The following UNC13A variants were observed in gnomAD, a reference collection of about 807,000 sequenced individuals.
The protein encoded by UNC13A is protein unc-13 homolog A.
A neutral mutation model predicts 219.7 loss-of-function variants in UNC13A; 61 were observed. That is an observed-to-expected ratio of 0.28 (90% CI 0.23 to 0.34). The LOEUF (loss-of-function observed/expected upper bound fraction) is 0.34, where lower values mean the gene tolerates loss of function less well. Ranked by LOEUF, UNC13A falls within the 10% of genes least tolerant of loss-of-function variation. The pLI, the probability that UNC13A is intolerant of heterozygous loss-of-function variation, is 1.00. For synonymous variants in UNC13A, 920 were observed against 884.6 expected, an observed-to-expected ratio of 1.04 and a Z score of -0.71; for missense variants, 1,476 against 2,270.3, an observed-to-expected ratio of 0.65 and a Z score of 7.11.
chr19:17,659,640 G>A (rs1346004865), intron 8 of UNC13A, among the ~76,000 whole-genome samples: 1 of 151,824 alleles, frequency 6.6e-6, no homozygotes, highest in African/African-American at 2.4e-5. Context: ...GTGGTGGTGG[G>A]CGCCTGTAGT....
Position 17,627,582 on chromosome 19 carries a change from T to C in UNC13A, c.3847A>G (p.Ser1283Gly). The C allele has an allele frequency of 1.3e-6, 2 of 1,560,474 alleles. No individual in the cohort carries two copies. The highest frequency in any genetic ancestry group is 1.7e-6 in the Non-Finnish European group (2 of 1,151,248). ...MGGKELDAEA[S>G]DILKELQVKL... is the part of the protein sequence containing the mutation. ...ACCTGAAGCTCCTTCAGGATGTCAC[T>C]GGCTTCAGCATCCAGCTAAGGAGGG... The change falls in exon 33 of 44, where the codon AGT becomes GGT. Residue 1283 changes from serine (S) to glycine (G), a missense_variant. Ser to Gly is a moderately conservative substitution (Grantham distance 56, BLOSUM62 0). Transcript: ENST00000519716. The surrounding 1 kb of genome is among the most constrained non-coding windows in gnomAD (Gnocchi z 4.7).
chr19:17,634,342 C>CA (rs1555779350), intron 26 of UNC13A, among the ~76,000 whole-genome samples: 3 of 151,432 alleles, frequency 2.0e-5, no homozygotes, highest in Admixed American at 2.0e-4. Context: ...CCATCCATTC[C>CA]TTTTTTTTTA....
At chr19:17,606,569 C>T (rs1194079325) in intron 43 of UNC13A, among the ~76,000 whole-genome samples, 1 of 152,086 alleles carries the variant, frequency 6.6e-6, no homozygotes, top group Non-Finnish European at 1.5e-5. Context: ...TGGGCCACGC[C>T]CACGCCTGTT....
intron 39 of UNC13A, 86 bp downstream of exon 39, chr19:17,618,820 A>G: frequency 7.8e-7 from 1 of 1,287,242 alleles, no homozygotes. Context: ...TCATCCTGGG[A>G]CCCCTCCCCC....
Position 17,606,043 on chromosome 19 carries a change from G to T in UNC13A, c.*11C>A. The stretch of plus-strand genomic sequence containing the variant: ...CGCGCAGGCGCAGTGCCGCTCGGCC[G>T]ACCGCCCGCGCTAAGGCGCAGGCGC... On this transcript the variant is annotated 3_prime_UTR_variant, in exon 44 of 44. Transcript: ENST00000519716. 8 of 1,499,576 alleles carry T rather than the reference G, an allele frequency of 5.3e-6. No homozygotes were observed. Among genetic ancestry groups the T allele is most frequent in the East Asian group, 2.8e-5 (1 of 36,308 alleles). The allele number at this position is 1,499,576 out of a possible 1,614,324, so 92.9% of individuals were successfully genotyped here.
intron 1 of UNC13A, among the ~76,000 whole-genome samples, chr19:17,680,889 CTT>C (rs375785182): frequency 0.041 from 1,993 of 48,576 alleles, 31 homozygotes; most frequent in African/African-American, 0.12. Flanking sequence ...CTTTTCTTTT[CTT>C]TTTTTTTTTT....
intron 39 of UNC13A, 109 bp downstream of exon 39, chr19:17,618,797 G>C (rs1314052209): frequency 1.9e-6 from 2 of 1,053,306 alleles, no homozygotes; most frequent in Non-Finnish European, 3.0e-6. Flanking sequence ...CTTTGAGCCT[G>C]TAATGCATGT....
At chr19:17,638,841 A>AT (rs561109982) in intron 25 of UNC13A, among the ~76,000 whole-genome samples, 2 of 149,582 alleles carry the variant, frequency 1.3e-5, no homozygotes, top group Non-Finnish European at 3.0e-5. Flanking sequence ...AAAAAAAAAA[A>AT]TTTTTTTTTA....
At chr19:17,636,850 C>G (rs1369136474) in intron 25 of UNC13A, among the ~76,000 whole-genome samples, 1 of 152,200 alleles carries the variant, frequency 6.6e-6, no homozygotes, top group Non-Finnish European at 1.5e-5. Flanking sequence ...CCAGTTCATC[C>G]TAACTCAAGA....
rs938670057 is a variant in UNC13A, at chr19:17,633,222, T to G, written c.3216-29A>C. Reference sequence around the variant, plus strand: ...GCAAAGTCATGGAAGTATAAAACTTTGGCAGGCAGAAGGCAGATGGGATGG... The same window carrying G: ...GCAAAGTCATGGAAGTATAAAACTTGGGCAGGCAGAAGGCAGATGGGATGG... On this transcript the variant is annotated intron_variant, in intron 26 of 43. Transcript: ENST00000519716. 4 of 1,611,050 alleles carry G rather than the reference T, an allele frequency of 2.5e-6. No homozygotes were observed. The East Asian group carries it at 8.9e-5, about 36-fold the overall frequency.
chr19:17,667,107 C>T (rs1227640425), intron 6 of UNC13A, among the ~76,000 whole-genome samples: 2 of 152,030 alleles, frequency 1.3e-5, no homozygotes, highest in African/African-American at 2.4e-5. Flanking sequence ...AAAAATTAGC[C>T]AGGTATGGTG....
chr19:17,675,630 CAAA>C (rs35996994), intron 2 of UNC13A, among the ~76,000 whole-genome samples: 14 of 127,630 alleles, frequency 1.1e-4, no homozygotes, highest in Admixed American at 1.7e-4. Context: ...GACTCTGTCT[CAAA>C]AAAAAAAAAA....
At position 17,674,520 on chromosome 19, in the gene UNC13A, T is replaced by C; in HGVS notation, c.152+137A>G. The C allele has an allele frequency of 1.4e-6, 1 of 691,016 alleles. No homozygotes were observed. Among genetic ancestry groups the C allele is most frequent in the Non-Finnish European group, 2.5e-6 (1 of 398,448 alleles). 42.8% of individuals were successfully genotyped at this position (691,016 alleles called of 1,614,324 possible). A position where few individuals can be genotyped will look rare whatever the true frequency, so the allele number is the denominator to read the frequency against. On this transcript the variant is annotated intron_variant, in intron 3 of 43. Transcript: ENST00000519716. This position sits in a 1 kb window ranked among gnomAD's most constrained non-coding sequence, Gnocchi z 5.0. ...TGGGGATGTGTTTTGGAGGTGAAGG[T>C]GATAAGGTGGACAGGGGAAGAGGGA...
chr19:17,688,349 G>A lies in UNC13A; in HGVS notation c.-150C>T. On this transcript the variant is annotated 5_prime_UTR_variant, in exon 1 of 44. Transcript: ENST00000519716. ...CCACCGGCCATCTTGGTTCAGCACC[G>A]GGGGCGCGGACAGCGCCTGACGTGG... is the stretch of plus-strand genomic sequence containing the variant. 7.7e-7 allele frequency: 1 copy of A among 1,294,262 alleles called. No homozygotes were observed. The allele number at this position is 1,294,262 out of a possible 1,614,324, so 80.2% of individuals were successfully genotyped here.
rs2079736944 is a variant in UNC13A, at chr19:17,669,544, T to C, written c.394+9A>G. On this transcript the variant is annotated intron_variant, in intron 5 of 43. Transcript: ENST00000519716. ...GGGCTGGGTGAAGGTCCCGGGCCCC[T>C]GTACTCACCTAAGGGTAGCTCAAAG... 1 of 1,612,958 alleles carries C rather than the reference T, an allele frequency of 6.2e-7. No individual in the cohort carries two copies. Among genetic ancestry groups the C allele is most frequent in the South Asian group, 1.1e-5 (1 of 90,980 alleles).
chr19:17,681,075 T>A (rs1432901583), intron 1 of UNC13A, among the ~76,000 whole-genome samples: 3 of 138,504 alleles, frequency 2.2e-5, no homozygotes, highest in African/African-American at 2.6e-5. Context: ...ATTCCTTTTT[T>A]TTTTTTTTTT....
chr19:17,638,516 C>T (rs2076934187), intron 25 of UNC13A, among the ~76,000 whole-genome samples: 1 of 151,812 alleles, frequency 6.6e-6, no homozygotes, highest in Non-Finnish European at 1.5e-5. Context: ...TGAACAGTGA[C>T]TGTATGCCAG....
At chr19:17,645,285 A>G (rs35696404) in intron 19 of UNC13A, among the ~76,000 whole-genome samples, 62,507 of 151,728 alleles carry the variant, frequency 0.41, 13,462 homozygotes, top group African/African-American at 0.51. Context: ...CTGGGATTAC[A>G]GGCGTGAGCC....
intron 1 of UNC13A, among the ~76,000 whole-genome samples, chr19:17,685,588 A>G (rs8110697): frequency 0.23 from 34,748 of 152,052 alleles, 4,660 homozygotes; most frequent in African/African-American, 0.37. Context: ...AGACACACAC[A>G]CTCACACGTG....
Sources: allele counts gnomAD v4.1 joint callset (sites outside exome capture counted in the v4.1 genomes callset), GRCh38; gene constraint gnomAD v4.1.1; non-coding constraint Gnocchi (gnomAD v3.1); transcripts MANE v1.5; gene names NCBI Gene and HGNC (gene_info 2026-07-23, HGNC 2026-07-21).